RCC1L: variants seen among roughly 807,000 people sequenced by gnomAD.
RCC1L encodes RCC1 like.
A neutral mutation model predicts 58.6 loss-of-function variants in RCC1L; 46 were observed. That is an observed-to-expected ratio of 0.79 (90% CI 0.62 to 1.00). The LOEUF (loss-of-function observed/expected upper bound fraction) is 1.00. RCC1L is among the 50% of genes least tolerant of loss of function. RCC1L has a pLI of 0.00. For missense variants in RCC1L, 636 were observed against 623.6 expected (o/e 1.02, Z -0.21); for synonymous variants, 281 against 262.9 (o/e 1.07, Z -0.67).
chr7:75,072,887 C>G (rs1806816502), intron 1 of RCC1L, among the ~76,000 whole-genome samples: 2 of 152,128 alleles, frequency 1.3e-5, no homozygotes, highest in South Asian at 4.1e-4. Context: ...CTGCAGTGAG[C>G]TATGATGACA....
intron 3 of RCC1L, 24 bp downstream of exon 3, chr7:75,066,629 GCACTCTTCCAT>G: frequency 6.2e-7 from 1 of 1,606,842 alleles, no homozygotes; most frequent in Non-Finnish European, 8.5e-7. Context: ...AATGGTCCCT[GCACTCTTCCAT>G]CACCCTTCAA....
In RCC1L at chr7:75,057,521, G is replaced by T; in HGVS notation, c.1057+8C>A. The T allele has an allele frequency of 1.2e-6, 2 of 1,613,734 alleles. No homozygotes were observed. Among genetic ancestry groups the T allele is most frequent in the South Asian group, 2.2e-5 (2 of 91,068 alleles). On this transcript the variant is annotated splice_region_variant and intron_variant, in intron 8 of 10. Coordinates refer to ENST00000610322, the MANE Select transcript of RCC1L (RefSeq NM_030798.5). Reference sequence around the variant, plus strand: ...CTTCCCAATGAGCCACCGGAAAGAAGGTCTCACCGTTTAACACTGCACAGC... The same window carrying T: ...CTTCCCAATGAGCCACCGGAAAGAATGTCTCACCGTTTAACACTGCACAGC...
chr7:75,064,606 T>G lies in RCC1L; in HGVS notation c.626A>C (p.Lys209Thr). ...CCTGTAAATTTCATTTTCGACCACC[T>G]TTCTTCCACATTGCCCATAAGAATT... Reference protein sequence around the residue: ...GNNSYGQCGRKVVENEIYSES... With the variant: ...GNNSYGQCGRTVVENEIYSES... Residue 209 changes from lysine to threonine, a missense_variant, in exon 4 of 11, where the codon AAG (lysine) becomes ACG (threonine). Physicochemically the swap from Lys to Thr is moderately conservative, Grantham distance 78 (BLOSUM62 -1). Transcript: ENST00000610322. The G allele has an allele frequency of 6.2e-7, 1 of 1,613,862 alleles. No individual in the cohort carries two copies. The highest frequency in any genetic ancestry group is 8.5e-7 in the Non-Finnish European group (1 of 1,179,836).
intron 7 of RCC1L, 82 bp downstream of exon 7, chr7:75,058,506 C>T (rs1806154618): frequency 2.6e-6 from 4 of 1,518,524 alleles, no homozygotes; most frequent in Admixed American, 2.0e-5. Context: ...GCTGGGATTA[C>T]AGGTGTGAGC....
At chr7:75,027,997 TC>T (rs1584481474) in exon 11 of RCC1L, 10 of 1,533,302 alleles carry the variant, frequency 6.5e-6, no homozygotes, top group Admixed American at 3.9e-5. Flanking sequence ...TGCATGGAAC[TC>T]CTTACCTGTT....
At chr7:75,048,381 G>A (rs1402558676) in intron 10 of RCC1L, among the ~76,000 whole-genome samples, 5 of 152,206 alleles carry the variant, frequency 3.3e-5, no homozygotes, top group South Asian at 2.1e-4. Context: ...AGACCCCACC[G>A]GTCCTGACCT....
Position 75,042,475 on chromosome 7 carries a change from G to A in RCC1L, c.*557C>T. ...GCGGACAGCTCCAGATGGAATCCCA[G>A]GCCACGGTGCTTCTAGTGTCCCCCC... On this transcript the variant is annotated 3_prime_UTR_variant, in exon 11 of 11. Transcript: ENST00000610322. 1 of 989,502 alleles carries A rather than the reference G, an allele frequency of 1.0e-6. No individual in the cohort carries two copies. Among genetic ancestry groups the A allele is most frequent in the South Asian group, 4.6e-5 (1 of 21,728 alleles). The allele number at this position is 989,502 out of a possible 1,614,324, so 61.3% of individuals were successfully genotyped here.
chr7:75,050,511 G>A (rs1805870815), intron 10 of RCC1L, among the ~76,000 whole-genome samples: 1 of 152,166 alleles, frequency 6.6e-6, no homozygotes, highest in Non-Finnish European at 1.5e-5. Flanking sequence ...AATGAGGGCG[G>A]GGGGCAGACC....
chr7:75,064,600 A>G lies in RCC1L; in HGVS notation c.632T>C (p.Val211Ala). 4 of 1,613,834 alleles carry G rather than the reference A, an allele frequency of 2.5e-6. No individual in the cohort carries two copies. The South Asian group carries it at 3.3e-5, about 13-fold the overall frequency. ...AACTCACCTGTAAATTTCATTTTCG[A>G]CCACCTTTCTTCCACATTGCCCATA... The part of the protein sequence containing the change: ...NSYGQCGRKV[V>A]ENEIYSESHR... The change falls in exon 4 of 11, where the codon GTC becomes GCC. Residue 211 changes from valine (V) to alanine (A), a missense_variant. By Grantham distance (64) the Val-to-Ala change is moderately conservative (BLOSUM62 0). Transcript: ENST00000610322.
chr7:75,030,570 A>T (rs997499258), intron 10 of RCC1L, among the ~76,000 whole-genome samples: 9 of 152,086 alleles, frequency 5.9e-5, no homozygotes, highest in Non-Finnish European at 1.3e-4. Flanking sequence ...GGATTGGAGG[A>T]TGCACTTCTA....
downstream of RCC1L, among the ~76,000 whole-genome samples, chr7:75,039,140 T>TCCCATAACAGG (rs1461622619): frequency 1.3e-5 from 2 of 152,254 alleles, no homozygotes; most frequent in East Asian, 1.9e-4. Context: ...GCACCTGGCC[T>TCCCATAACAGG]CCCATAACAG....
At chr7:75,051,409 G>A (rs1179284300) in intron 10 of RCC1L, among the ~76,000 whole-genome samples, 2 of 144,526 alleles carry the variant, frequency 1.4e-5, no homozygotes, top group African/African-American at 5.4e-5. Flanking sequence ...CATTTCTTTT[G>A]CAAGTCCTTT....
chr7:75,064,615 C>A lies in RCC1L; in HGVS notation c.617G>T (p.Cys206Phe). The A allele has an allele frequency of 1.9e-6, 3 of 1,613,910 alleles. No individual in the cohort carries two copies. The highest frequency in any genetic ancestry group is 2.5e-6 in the Non-Finnish European group (3 of 1,179,850). Residue 206 changes from cysteine (C) to phenylalanine (F), a missense_variant, in exon 4 of 11, where the codon TGT becomes TTT. Cys to Phe is a radical substitution (Grantham distance 205). Coordinates refer to ENST00000610322, the MANE Select transcript of RCC1L (RefSeq NM_030798.5). ...TTCATTTTCGACCACCTTTCTTCCA[C>A]ATTGCCCATAAGAATTGTTTCCCAT... ...FSMGNNSYGQ[C>F]GRKVVENEIY... is the part of the protein sequence containing the mutation.
At chr7:75,072,391 A>G (rs587773712) in intron 1 of RCC1L, among the ~76,000 whole-genome samples, 2 of 151,192 alleles carry the variant, frequency 1.3e-5, no homozygotes, top group East Asian at 3.9e-4. Flanking sequence ...TATATTTTCT[A>G]TTTCTTATTG....
chr7:75,037,857 C>T (rs964664321), downstream of RCC1L, among the ~76,000 whole-genome samples: 3 of 152,200 alleles, frequency 2.0e-5, no homozygotes, highest in African/African-American at 4.8e-5. Context: ...CTCATGGTGG[C>T]CCCAAATCCA....
chr7:75,045,252 G>A (rs1175517259), intron 10 of RCC1L, among the ~76,000 whole-genome samples: 1 of 151,870 alleles, frequency 6.6e-6, no homozygotes, highest in Non-Finnish European at 1.5e-5. Flanking sequence ...ATCATAGCTC[G>A]CACTACAATG....
intron 10 of RCC1L, among the ~76,000 whole-genome samples, chr7:75,043,589 C>T (rs931644526): frequency 2.0e-5 from 3 of 152,196 alleles, no homozygotes; most frequent in Non-Finnish European, 4.4e-5. Context: ...AGGGGCTGGG[C>T]GCTGTAGCTC....
chr7:75,059,358 G>A (rs1311375023), intron 6 of RCC1L, among the ~76,000 whole-genome samples: 2 of 151,510 alleles, frequency 1.3e-5, no homozygotes, highest in African/African-American at 4.8e-5. Context: ...CAGCTCCTGG[G>A]TTCAAGCAGT....
At chr7:75,066,588 A>T in intron 3 of RCC1L, 76 bp downstream of exon 3, 3 of 1,592,212 alleles carry the variant, frequency 1.9e-6, no homozygotes, top group Non-Finnish European at 2.6e-6. Context: ...CAAGCCACTC[A>T]GGCCTGATTT....
Sources: allele counts gnomAD v4.1 joint callset (sites outside exome capture counted in the v4.1 genomes callset), GRCh38; gene constraint gnomAD v4.1.1; transcripts MANE v1.5; gene names NCBI Gene and HGNC (gene_info 2026-07-23, HGNC 2026-07-21).